LRPPRC: variants seen among roughly 807,000 people sequenced by gnomAD.
LRPPRC encodes the protein leucine-rich PPR motif-containing protein, mitochondrial.
LRPPRC carries 120 observed loss-of-function variants against 180.3 expected under a neutral mutation model. The observed-to-expected ratio is 0.67, with a 90% CI of 0.57 to 0.77. The LOEUF is 0.77. Ranked by LOEUF, LRPPRC falls within the 30% of genes least tolerant of loss-of-function variation. The pLI is 0.00. For synonymous variants in LRPPRC, 723 were observed against 600.0 expected, an observed-to-expected ratio of 1.21 and a Z score of -3.00; for missense variants, 2,012 against 1,657.2, an observed-to-expected ratio of 1.21 and a Z score of -3.72.
chr2:43,996,044 G>A (rs1221617147), upstream of LRPPRC: 6 of 1,302,218 alleles, frequency 4.6e-6, no homozygotes, highest in African/African-American at 6.1e-5. Context: ...ACCAACTGCC[G>A]GGCGTGCCAA....
chr2:43,982,415 T>G lies in LRPPRC; in HGVS notation c.169A>C (p.Arg57=), dbSNP rs753581113. ...TCTTTGGCAGCAATGGCATACAGCC[T>G]GGCTGGGCTCAGTAGTCCTCTAAAA... ...PVAGGLLSPA[R]LYAIAAKEKD... Residue 57 remains arginine (R), a synonymous_variant, in exon 2 of 38, where the codon AGG becomes CGG. Coordinates refer to ENST00000260665, the MANE Select transcript of LRPPRC (RefSeq NM_133259.4). The G allele has an allele frequency of 6.2e-7, 1 of 1,613,714 alleles. No homozygotes were observed. The highest frequency in any genetic ancestry group is 1.7e-5 in the Admixed American group (1 of 60,018).
chr2:43,949,528 A>C (rs147581018), intron 16 of LRPPRC, 74 bp downstream of exon 16: 10 of 1,069,974 alleles, frequency 9.3e-6, no homozygotes, highest in Non-Finnish European at 1.5e-5. Context: ...TTACTGCTGT[A>C]ATCCTCCTAA....
chr2:43,984,149 C>T (rs901031514), intron 1 of LRPPRC, among the ~76,000 whole-genome samples: 2 of 151,938 alleles, frequency 1.3e-5, no homozygotes, highest in Non-Finnish European at 2.9e-5. Context: ...TAAACTATCC[C>T]CTTCTTAATG....
At position 43,977,010 on chromosome 2, in the gene LRPPRC, C is replaced by T; in HGVS notation, c.634G>A (p.Asp212Asn). 6.2e-7 allele frequency: 1 copy of T among 1,613,394 alleles called. No individual in the cohort carries two copies. Among genetic ancestry groups the T allele is most frequent in the South Asian group, 1.1e-5 (1 of 91,046 alleles). ...GATCCATACCTGGCACCTTCAATAT[C>T]TCCTACATTACAATAAGAAGCAATC... ...RLIASYCNVG[D>N]IEGASKILGF... Residue 212 changes from aspartate (D) to asparagine (N), a missense_variant, in exon 5 of 38, where the codon GAT becomes AAT. Asp to Asn is a conservative substitution (Grantham distance 23, BLOSUM62 1). Coordinates refer to ENST00000260665, the MANE Select transcript of LRPPRC (RefSeq NM_133259.4).
At chr2:43,924,355 G>T (rs112302907) in intron 27 of LRPPRC, among the ~76,000 whole-genome samples, 3 of 152,136 alleles carry the variant, frequency 2.0e-5, no homozygotes, top group Non-Finnish European at 4.4e-5. Context: ...AAGAGAGATC[G>T]AAAGTTTCAG....
chr2:43,941,284 C>G (rs1572946701), intron 23 of LRPPRC, among the ~76,000 whole-genome samples: 2 of 152,202 alleles, frequency 1.3e-5, no homozygotes, highest in African/African-American at 4.8e-5. Flanking sequence ...TTCTAAGGAA[C>G]TCAGTCTCAT....
At chr2:43,996,055 A>T (rs1427988539), upstream of LRPPRC, 2 of 1,111,908 alleles carry the variant, frequency 1.8e-6, no homozygotes, top group Non-Finnish European at 2.6e-6. Flanking sequence ...GGCGTGCCAA[A>T]TGTGGGGGGA....
chr2:43,959,049 C>A, intron 13 of LRPPRC: 2 of 546,832 alleles, frequency 3.7e-6, no homozygotes, highest in East Asian at 5.8e-5. Context: ...AGGCTGCTGA[C>A]AAAAAGCATC....
At chr2:43,892,935 C>G (rs1391455635) in intron 36 of LRPPRC, 2 of 152,144 alleles carry the variant, frequency 1.3e-5, no homozygotes, top group African/African-American at 2.4e-5. Context: ...TTAAGAACAT[C>G]TGTAATTGAT....
intron 25 of LRPPRC, among the ~76,000 whole-genome samples, chr2:43,928,082 A>G (rs2105047041): frequency 6.6e-6 from 1 of 152,364 alleles, no homozygotes; most frequent in Middle Eastern, 3.4e-3. Flanking sequence ...GCCACATACA[A>G]TCTATCTAAT....
At chr2:43,926,015 A>T (rs1015146230) in intron 25 of LRPPRC, 54 bp from the exon 26 acceptor site, 4 of 1,039,460 alleles carry the variant, frequency 3.8e-6, no homozygotes, top group Non-Finnish European at 4.6e-6. Flanking sequence ...GCTGAATATT[A>T]TTTTTTTCCT....
intron 17 of LRPPRC, 22 bp downstream of exon 17, chr2:43,948,390 A>G: frequency 1.4e-6 from 2 of 1,449,134 alleles, no homozygotes; most frequent in Non-Finnish European, 1.9e-6. Context: ...CAGGCATTAT[A>G]TAGCAAAAAA....
rs531172761 is a variant in LRPPRC at position 43,911,523 on chromosome 2, C to CTTTTTTTTTTTTTTT, written c.3275+894_3275+908dup. On this transcript the variant is annotated intron_variant, in intron 30 of 37. Transcript: ENST00000260665. ...CTTTTCTTTTCTTCTTCTTCTTCTT[C>CTTTTTTTTTTTTTTT]TTTTTTTTTTTTTTTTTTTTTGAGA... Among the ~76,000 whole-genome samples, 3 of 92,372 alleles carry CTTTTTTTTTTTTTTT rather than the reference C, an allele frequency of 3.2e-5. 1 individual carries two copies. Among genetic ancestry groups the CTTTTTTTTTTTTTTT allele is most frequent in the African/African-American group, 8.6e-5 (2 of 23,286 alleles). 60.6% of individuals were successfully genotyped at this position (92,372 alleles called of 152,430 possible). A position where few individuals can be genotyped will look rare whatever the true frequency, so the allele number is the denominator to read the frequency against.
Position 43,975,178 on chromosome 2 carries a change from T to C in LRPPRC, c.777A>G (p.Arg259=), listed in dbSNP as rs749089358. ...ENAENILTVM[R]DAGIEPGPDT... The stretch of plus-strand genomic sequence containing the variant: ...CTGGACCAGGCTCAATTCCGGCATC[T>C]CTCATCACTGTGAGAATGTTTTCTG... Residue 259 remains arginine, a synonymous_variant, in exon 7 of 38, where the codon AGA becomes AGG. Coordinates refer to ENST00000260665, the MANE Select transcript of LRPPRC (RefSeq NM_133259.4). 2.5e-6 allele frequency: 4 copies of C among 1,613,442 alleles called. No individual in the cohort carries two copies. The highest frequency in any genetic ancestry group is 2.2e-5 in the East Asian group (1 of 44,852).
At chr2:43,891,763 A>G (rs1670499708) in intron 36 of LRPPRC, among the ~76,000 whole-genome samples, 1 of 152,274 alleles carries the variant, frequency 6.6e-6, no homozygotes, top group African/African-American at 2.4e-5. Context: ...CATTTAAATC[A>G]GAAGCGAGAA....
At position 43,982,290 on chromosome 2, in the gene LRPPRC, G is replaced by A; in HGVS notation, c.294C>T (p.Gly98=). 6.3e-7 allele frequency: 1 copy of A among 1,584,324 alleles called. No individual in the cohort carries two copies. Among genetic ancestry groups the A allele is most frequent in the South Asian group, 1.2e-5 (1 of 86,294 alleles). Residue 98 remains glycine (G), a synonymous_variant, in exon 2 of 38, where the codon GGC becomes GGT. Coordinates refer to ENST00000260665, the MANE Select transcript of LRPPRC (RefSeq NM_133259.4). The part of the protein sequence containing the change: ...MRLDLSVRRT[G]RIPKKLLQKV... ...TTTGTAGAAGCTTCTTTGGAATGCG[G>A]CCAGTTCTTCGAACAGAAAGATCTA... is the stretch of plus-strand genomic sequence containing the variant.
chr2:43,891,360 G>C (rs1191403540), intron 36 of LRPPRC, among the ~76,000 whole-genome samples: 1 of 152,196 alleles, frequency 6.6e-6, no homozygotes, highest in African/African-American at 2.4e-5. Flanking sequence ...TACAGATGTT[G>C]CGTTATTTAC....
At chr2:43,923,674 A>C (rs1243055155) in intron 27 of LRPPRC, among the ~76,000 whole-genome samples, 1 of 150,576 alleles carries the variant, frequency 6.6e-6, no homozygotes, top group Non-Finnish European at 1.5e-5. Flanking sequence ...GCCTACCACA[A>C]TGTCTAGCAC....
chr2:43,940,356 T>A (rs1672434125), intron 23 of LRPPRC, among the ~76,000 whole-genome samples: 1 of 152,182 alleles, frequency 6.6e-6, no homozygotes. Context: ...ATCAACATTT[T>A]AAAAAGCCTA....
Sources: allele counts gnomAD v4.1 joint callset (sites outside exome capture counted in the v4.1 genomes callset), GRCh38; gene constraint gnomAD v4.1.1; transcripts MANE v1.5; gene names NCBI Gene and HGNC (gene_info 2026-07-23, HGNC 2026-07-21).